The following NEK3 variants were observed in gnomAD, a reference collection of about 807,000 sequenced individuals.
NEK3 encodes serine/threonine-protein kinase Nek3.
Under a neutral mutation model 66.0 loss-of-function variants are expected in NEK3, and 54 were observed. That is an observed-to-expected ratio of 0.82 (90% CI 0.66 to 1.03). The LOEUF is 1.03. NEK3 is among the 50% of genes least tolerant of loss of function. The pLI, the probability that NEK3 is intolerant of heterozygous loss-of-function variation, is 0.00. For missense variants in NEK3, 593 were observed against 603.0 expected (o/e 0.98, Z 0.17); for synonymous variants, 200 against 206.2 (o/e 0.97, Z 0.26).
At chr13:52,159,618 T>C (rs1956428057), upstream of NEK3, 1 of 152,320 alleles carries the variant, frequency 6.6e-6, no homozygotes, top group Admixed American at 6.5e-5. Context: ...CGGCGGGTCG[T>C]CTCTCGGGTT....
rs369765901 is a variant in NEK3 at position 52,133,216 on chromosome 13, C to T, written c.1447G>A (p.Glu483Lys). Residue 483 changes from glutamate to lysine, a missense_variant, in exon 16 of 16, where the codon GAG becomes AAG. Coordinates refer to ENST00000610828, the MANE Select transcript of NEK3 (RefSeq NM_002498.3). ...ACCCAGTCGGGGTTGTCATCTTCCTCCTCAAAGTCCCTGTGAAAAAACAAT... is the reference window on the plus strand; with the variant it reads ...ACCCAGTCGGGGTTGTCATCTTCCTTCTCAAAGTCCCTGTGAAAAAACAAT... ...GLDEEDTDFE[E>K]EDDNPDWVSE... 2.5e-6 allele frequency: 4 copies of T among 1,605,494 alleles called. No individual in the cohort carries two copies. Among genetic ancestry groups the T allele is most frequent in the African/African-American group, 2.7e-5 (2 of 74,802 alleles).
At chr13:52,134,137 C>T (rs547474665) in intron 14 of NEK3, among the ~76,000 whole-genome samples, 45 of 152,238 alleles carry the variant, frequency 3.0e-4, no homozygotes, top group Admixed American at 9.2e-4. Context: ...CTCAAGAGCT[C>T]CTCCTACCTC....
At chr13:52,141,587 C>T (rs778666520) in intron 10 of NEK3, among the ~76,000 whole-genome samples, 24 of 152,082 alleles carry the variant, frequency 1.6e-4, no homozygotes, top group Admixed American at 9.2e-4. Flanking sequence ...ATTCATTCAA[C>T]GTTTTAAAAA....
chr13:52,134,368 T>C (rs775917819), intron 14 of NEK3, among the ~76,000 whole-genome samples: 3 of 151,864 alleles, frequency 2.0e-5, no homozygotes, highest in Non-Finnish European at 4.4e-5. Context: ...ACTCGGAAAA[T>C]TGCCATAAAA....
chr13:52,134,579 G>A (rs553267422), intron 14 of NEK3, among the ~76,000 whole-genome samples: 1 of 152,256 alleles, frequency 6.6e-6, no homozygotes, highest in Admixed American at 6.5e-5. Flanking sequence ...TTCACAAACA[G>A]CATGAAAACC....
At chr13:52,152,910 C>T (rs1956359557) in intron 4 of NEK3, among the ~76,000 whole-genome samples, 1 of 152,072 alleles carries the variant, frequency 6.6e-6, no homozygotes, top group African/African-American at 2.4e-5. Context: ...ATGCATGATC[C>T]AAATAGCAAT....
rs546970257 is a variant in NEK3, at chr13:52,156,197, G to A, written c.-6C>T. 6.4e-7 allele frequency: 1 copy of A among 1,559,774 alleles called. No homozygotes were observed. Among genetic ancestry groups the A allele is most frequent in the African/African-American group, 1.4e-5 (1 of 73,898 alleles). On this transcript the variant is annotated 5_prime_UTR_variant, in exon 2 of 16. Transcript: ENST00000610828. ...AGGACCATGTAGTCATCCATGCTGGGGCATCCACACAGCTGGGCTCCACTC... is the reference window on the plus strand; with the variant it reads ...AGGACCATGTAGTCATCCATGCTGGAGCATCCACACAGCTGGGCTCCACTC...
intron 8 of NEK3, among the ~76,000 whole-genome samples, chr13:52,147,316 T>G (rs1956302826): frequency 6.6e-6 from 1 of 152,204 alleles, no homozygotes; most frequent in South Asian, 2.1e-4. Context: ...AACAGATACT[T>G]GTACACCATT....
At chr13:52,149,923 G>A (rs1956328690) in intron 7 of NEK3, among the ~76,000 whole-genome samples, 1 of 148,976 alleles carries the variant, frequency 6.7e-6, no homozygotes, top group Admixed American at 6.7e-5. Context: ...ACATACATCA[G>A]CATGTATCTC....
chr13:52,133,942 T>A lies in NEK3; in HGVS notation c.1310-127A>T, dbSNP rs1440037806. On this transcript the variant is annotated intron_variant, in intron 14 of 15. Transcript: ENST00000610828. ...GCCATGTCCCATAACTCTTTTGTAG[T>A]GTCTCCCCACATTACCCAACATGAT... The A allele has an allele frequency of 6.5e-6, 6 of 922,308 alleles. No homozygotes were observed. In the South Asian group the frequency reaches 8.7e-5, roughly 13 times the overall value. The allele number at this position is 922,308 out of a possible 1,614,324, so 57.1% of individuals were successfully genotyped here.
chr13:52,134,798 C>G (rs978714055), intron 14 of NEK3, among the ~76,000 whole-genome samples: 8 of 152,202 alleles, frequency 5.3e-5, no homozygotes, highest in African/African-American at 1.7e-4. Flanking sequence ...CTTAGGGCTT[C>G]CATGATCTTT....
In NEK3 at chr13:52,151,021, A is replaced by G. The variant is rs576784143; in HGVS notation, c.548+125T>C. The G allele has an allele frequency of 6.6e-4, 462 of 702,632 alleles. 3 individuals carry two copies. The highest frequency in any genetic ancestry group is 2.5e-3 in the Admixed American group (92 of 36,456). The allele number at this position is 702,632 out of a possible 1,614,324, so 43.5% of individuals were successfully genotyped here. ...TCCAGATATATTTCTGCTTTCAGAT[A>G]TATTTCTTAGAAACCAATATGATCC... On this transcript the variant is annotated intron_variant, in intron 7 of 15. Coordinates refer to ENST00000610828, the MANE Select transcript of NEK3 (RefSeq NM_002498.3).
chr13:52,135,512 G>A (rs371631394), intron 14 of NEK3, among the ~76,000 whole-genome samples: 3 of 152,158 alleles, frequency 2.0e-5, no homozygotes, highest in Non-Finnish European at 2.9e-5. Flanking sequence ...AAATCAAAGC[G>A]TTTCTGGGAG....
rs143638724 is a variant in NEK3 at position 52,138,528 on chromosome 13, T to C, written c.928-1626A>G. 1.7e-3 allele frequency among the ~76,000 whole-genome samples: 266 copies of C among 152,350 alleles called. 1 individual carries two copies. The highest frequency in any genetic ancestry group is 6.2e-3 in the African/African-American group (259 of 41,576). ...GTAGCAACATAATGGTGGGGTGTTGTTATTTATTTAGAACCTATGGTTCAT... is the reference window on the plus strand; with the variant it reads ...GTAGCAACATAATGGTGGGGTGTTGCTATTTATTTAGAACCTATGGTTCAT... On this transcript the variant is annotated intron_variant, in intron 11 of 15. Coordinates refer to ENST00000610828, the MANE Select transcript of NEK3 (RefSeq NM_002498.3).
At position 52,148,480 on chromosome 13, in the gene NEK3, A is replaced by T. The variant is rs762463862; in HGVS notation, c.549-11T>A. ...AAGGACCAGATGTCACTGAAAGCAT[A>T]AAGAAGCAATGTAATCACAAGCAGG... On this transcript the variant is annotated splice_polypyrimidine_tract_variant and intron_variant, in intron 7 of 15. Transcript: ENST00000610828. 6.2e-7 allele frequency: 1 copy of T among 1,613,046 alleles called. No homozygotes were observed. The highest frequency in any genetic ancestry group is 2.2e-5 in the East Asian group (1 of 44,866).
intron 10 of NEK3, among the ~76,000 whole-genome samples, chr13:52,141,592 TA>T (rs1257468580): frequency 6.6e-6 from 1 of 152,150 alleles, no homozygotes; most frequent in Non-Finnish European, 1.5e-5. Flanking sequence ...TTCAACGTTT[TA>T]AAAAATTGCT....
Position 52,144,687 on chromosome 13 carries a change from A to G in NEK3, c.804+4T>C, listed in dbSNP as rs776626772. On this transcript the variant is annotated splice_donor_region_variant and intron_variant, in intron 9 of 15. Coordinates refer to ENST00000610828, the MANE Select transcript of NEK3 (RefSeq NM_002498.3). ...GTTCACAACCAATCCAACACAGATCATACCTCGGGGGGTAAGCACTTCTGG... is the reference window on the plus strand; with the variant it reads ...GTTCACAACCAATCCAACACAGATCGTACCTCGGGGGGTAAGCACTTCTGG... 1.9e-6 allele frequency: 3 copies of G among 1,613,452 alleles called. No individual in the cohort carries two copies. Among genetic ancestry groups the G allele is most frequent in the Admixed American group, 3.3e-5 (2 of 60,012 alleles).
At chr13:52,143,171 C>T (rs144212429) in intron 10 of NEK3, among the ~76,000 whole-genome samples, 4,318 of 152,206 alleles carry the variant, frequency 0.028, 98 homozygotes, top group Non-Finnish European at 0.04. Context: ...AAAAAATTAG[C>T]CAGGCATGGT....
intron 1 of NEK3, chr13:52,156,885 G>C (rs572882977): frequency 3.9e-5 from 6 of 152,160 alleles, no homozygotes; most frequent in African/African-American, 1.4e-4. Flanking sequence ...GGCAGACACT[G>C]AGCACCAACT....
Sources: gnomAD v4.1 joint callset for allele counts (sites outside exome capture counted in the v4.1 genomes callset) on GRCh38, gnomAD v4.1.1 for gene constraint, MANE v1.5 for transcripts, NCBI Gene and HGNC (gene_info 2026-07-23, HGNC 2026-07-21) for gene names.